The following TAMM41 variants were observed in gnomAD, a reference collection of about 807,000 sequenced individuals.
The protein encoded by TAMM41 is phosphatidate cytidylyltransferase, mitochondrial.
A neutral mutation model predicts 44.1 loss-of-function variants in TAMM41; 36 were observed. The ratio of observed to expected loss-of-function variants is 0.82; its 90% CI spans 0.63 to 1.08. The LOEUF (loss-of-function observed/expected upper bound fraction) is 1.08, where lower values mean the gene tolerates loss of function less well. Ranked by LOEUF, TAMM41 falls within the 50% of genes least tolerant of loss-of-function variation. The pLI, the probability that TAMM41 is intolerant of heterozygous loss-of-function variation, is 0.00. For missense variants in TAMM41, 417 were observed against 404.3 expected, an observed-to-expected ratio of 1.03 and a Z score of -0.27; for synonymous variants, 164 against 153.1, an observed-to-expected ratio of 1.07 and a Z score of -0.53.
chr3:11,818,956 G>A (rs1053022035), intron 4 of TAMM41, among the ~76,000 whole-genome samples: 6 of 151,916 alleles, frequency 3.9e-5, no homozygotes, highest in Admixed American at 2.0e-4. Flanking sequence ...GTGTACAGGG[G>A]GTCTGACTGT....
chr3:11,792,985 C>T (rs1343018309), intron 7 of TAMM41, among the ~76,000 whole-genome samples: 4 of 141,616 alleles, frequency 2.8e-5, no homozygotes, highest in African/African-American at 1.1e-4. Context: ...CGCTTGAGCC[C>T]GGGAAGCGGA....
Position 11,806,268 on chromosome 3 carries a change from GA to G in TAMM41, c.937+1564del, listed in dbSNP as rs144619269. ...GATGCTCAATGGATGCTTGCATGAAGAAAGCCTGAACTAGAAAAGTCTATCA... is the reference window on the plus strand; with the variant it reads ...GATGCTCAATGGATGCTTGCATGAAGAAGCCTGAACTAGAAAAGTCTATCA... On this transcript the variant is annotated intron_variant, in intron 7 of 7. Coordinates refer to ENST00000455809, the MANE Select transcript of TAMM41 (RefSeq NM_001284401.2). Among the ~76,000 whole-genome samples the G allele has an allele frequency of 1.4e-3, 207 of 152,328 alleles. 3 individuals carry two copies. The highest frequency in any genetic ancestry group is 4.5e-3 in the African/African-American group (188 of 41,568).
intron 4 of TAMM41, among the ~76,000 whole-genome samples, chr3:11,828,644 CT>C (rs1406230805): frequency 1.3e-5 from 2 of 152,202 alleles, no homozygotes. Context: ...GCCCCTATGT[CT>C]TTTGTTGGAA....
At chr3:11,837,929 C>T (rs888711055) in intron 3 of TAMM41, among the ~76,000 whole-genome samples, 1 of 152,224 alleles carries the variant, frequency 6.6e-6, no homozygotes, top group Non-Finnish European at 1.5e-5. Flanking sequence ...ACTCCCAGCA[C>T]TTCTGACACC....
chr3:11,730,427 A>G, the TAMM41 span, among the ~76,000 whole-genome samples: 2 of 149,850 alleles, frequency 1.3e-5, no homozygotes, highest in East Asian at 3.9e-4. Flanking sequence ...CAAAAAAAAA[A>G]AAAAAAGAAA....
chr3:11,733,524 G>A, the TAMM41 span, among the ~76,000 whole-genome samples: 14 of 149,874 alleles, frequency 9.3e-5, no homozygotes, highest in South Asian at 2.1e-4. Context: ...ACGGAGTCTC[G>A]CTCTGTCACC....
At chr3:11,788,047 C>G (rs1251865258), downstream of TAMM41, among the ~76,000 whole-genome samples, 1 of 152,206 alleles carries the variant, frequency 6.6e-6, no homozygotes, top group Non-Finnish European at 1.5e-5. Flanking sequence ...AGGCACTACA[C>G]TGGAGTCTGG....
Position 11,839,277 on chromosome 3 carries a change from A to G in TAMM41, c.356T>C (p.Ile119Thr), listed in dbSNP as rs2079325599. Residue 119 changes from isoleucine (I) to threonine (T), a missense_variant, in exon 3 of 8, where the codon ATT (isoleucine) becomes ACT (threonine). Ile to Thr is a moderately conservative substitution (Grantham distance 89). Coordinates refer to ENST00000455809, the MANE Select transcript of TAMM41 (RefSeq NM_001284401.2). Reference sequence around the variant, plus strand: ...GTTATTCCAGTTGAGGAGATCTTCAATCAGAACGTTAGTGCTAATAACTCC... The same window carrying G: ...GTTATTCCAGTTGAGGAGATCTTCAGTCAGAACGTTAGTGCTAATAACTCC... ...KYGVISTNVL[I>T]EDLLNWNNLY... 5 of 1,613,804 alleles carry G rather than the reference A, an allele frequency of 3.1e-6. No homozygotes were observed. Among genetic ancestry groups the G allele is most frequent in the Non-Finnish European group, 3.4e-6 (4 of 1,179,826 alleles).
the TAMM41 span, among the ~76,000 whole-genome samples, chr3:11,730,347 G>C: frequency 0.02 from 3,053 of 151,262 alleles, 102 homozygotes; most frequent in East Asian, 0.18. Context: ...TTGAACCTGG[G>C]AGGCAGGATG....
chr3:11,831,998 T>C (rs1039684753), intron 3 of TAMM41, among the ~76,000 whole-genome samples: 1 of 152,222 alleles, frequency 6.6e-6, no homozygotes, highest in Non-Finnish European at 1.5e-5. Flanking sequence ...GGAACATGAC[T>C]TGCCTACAGT....
At chr3:11,726,089 C>A in the TAMM41 span, among the ~76,000 whole-genome samples, 164 of 152,368 alleles carry the variant, frequency 1.1e-3, no homozygotes, top group African/African-American at 3.8e-3. Flanking sequence ...GGCTGCCAAT[C>A]TGAATTGCTC....
At chr3:11,759,515 T>C in the TAMM41 span, among the ~76,000 whole-genome samples, 1 of 151,902 alleles carries the variant, frequency 6.6e-6, no homozygotes, top group Admixed American at 6.6e-5. Context: ...CGTGTAACAC[T>C]GGAATAAAGA....
chr3:11,841,692 C>T (rs1206183834), intron 2 of TAMM41, among the ~76,000 whole-genome samples: 1 of 152,174 alleles, frequency 6.6e-6, no homozygotes, highest in African/African-American at 2.4e-5. Context: ...CTGCATGACT[C>T]AAGTGGATGC....
the TAMM41 span, among the ~76,000 whole-genome samples, chr3:11,766,913 A>G: frequency 6.6e-6 from 1 of 152,154 alleles, no homozygotes; most frequent in Non-Finnish European, 1.5e-5. Flanking sequence ...AGATCGCTGT[A>G]GATTCACATG....
the TAMM41 span, among the ~76,000 whole-genome samples, chr3:11,735,836 C>A: frequency 6.6e-6 from 1 of 151,960 alleles, no homozygotes; most frequent in Non-Finnish European, 1.5e-5. Context: ...ATGTGCCAGG[C>A]GAGGGCGCAG....
chr3:11,819,232 CAG>C (rs2078413017), intron 4 of TAMM41, among the ~76,000 whole-genome samples: 1 of 152,104 alleles, frequency 6.6e-6, no homozygotes. Flanking sequence ...CAGAGTAAGA[CAG>C]AAACACACAG....
At chr3:11,773,436 G>C in the TAMM41 span, among the ~76,000 whole-genome samples, 4 of 151,830 alleles carry the variant, frequency 2.6e-5, no homozygotes, top group Non-Finnish European at 2.9e-5. Context: ...GGCCAGGTTG[G>C]TCTTGAACTC....
At chr3:11,729,539 ATTTTTT>A in the TAMM41 span, among the ~76,000 whole-genome samples, 3 of 32,272 alleles carry the variant, frequency 9.3e-5, no homozygotes, top group Non-Finnish European at 2.0e-4. Context: ...TCTTTCTTTC[ATTTTTT>A]TTTTTTTTTT....
the TAMM41 span, among the ~76,000 whole-genome samples, chr3:11,784,051 T>C: frequency 6.6e-6 from 1 of 152,262 alleles, no homozygotes; most frequent in Admixed American, 6.5e-5. Flanking sequence ...AACAACCCGA[T>C]ACAGACAGGA....
Sources: gnomAD v4.1 joint callset for allele counts (sites outside exome capture counted in the v4.1 genomes callset) on GRCh38, gnomAD v4.1.1 for gene constraint, MANE v1.5 for transcripts, NCBI Gene and HGNC (gene_info 2026-07-23, HGNC 2026-07-21) for gene names.